TK2: variants seen among roughly 807,000 people sequenced by gnomAD.
TK2 encodes the protein thymidine kinase 2, mitochondrial.
TK2 carries 35 observed loss-of-function variants against 41.9 expected under a neutral mutation model. The ratio of observed to expected loss-of-function variants is 0.84; its 90% CI spans 0.64 to 1.11. TK2 has a LOEUF of 1.11. TK2 is among the 50% of genes least tolerant of loss of function. TK2 has a pLI of 0.00. For synonymous variants in TK2, 128 were observed against 129.1 expected (o/e 0.99, Z 0.06); for missense variants, 320 against 351.1 (o/e 0.91, Z 0.71).
chr16:66,534,659 T>C (rs1965221855), intron 4 of TK2, among the ~76,000 whole-genome samples: 1 of 152,236 alleles, frequency 6.6e-6, no homozygotes, highest in African/African-American at 2.4e-5. Flanking sequence ...TCCAGATATC[T>C]GCAGTGCTCA....
At chr16:66,523,664 A>G (rs1266343691) in intron 6 of TK2, among the ~76,000 whole-genome samples, 1 of 151,902 alleles carries the variant, frequency 6.6e-6, no homozygotes, top group Non-Finnish European at 1.5e-5. Flanking sequence ...CCCTGTCTCT[A>G]CTAAAAATAC....
At chr16:66,516,314 T>C (rs1295896838) in intron 8 of TK2, among the ~76,000 whole-genome samples, 2 of 152,160 alleles carry the variant, frequency 1.3e-5, no homozygotes, top group East Asian at 3.9e-4. Context: ...CCACTGTGTA[T>C]GTGGTTGTTT....
Position 66,510,013 on chromosome 16 carries a change from G to A in TK2, c.*1955C>T, listed in dbSNP as rs1964404214. ...GCTCTCTTAGACCCATACACTCCAC[G>A]TTAGGAAACACGGAGTTTGAAAAAT... is the stretch of plus-strand genomic sequence containing the variant. On this transcript the variant is annotated 3_prime_UTR_variant, in exon 10 of 10. Coordinates refer to ENST00000544898, the MANE Select transcript of TK2 (RefSeq NM_004614.5). The A allele has an allele frequency of 1.3e-5, 2 of 152,204 alleles. No individual in the cohort carries two copies. Among genetic ancestry groups the A allele is most frequent in the African/African-American group, 2.4e-5 (1 of 41,434 alleles). The allele number at this position is 152,204 out of a possible 1,614,324, so 9.4% of individuals were successfully genotyped here. A position where few individuals can be genotyped will look rare whatever the true frequency, so the allele number is the denominator to read the frequency against.
At chr16:66,542,003 A>C in intron 2 of TK2, 50 bp from the exon 3 acceptor site, 1 of 1,586,276 alleles carries the variant, frequency 6.3e-7, no homozygotes, top group Non-Finnish European at 8.7e-7. Flanking sequence ...CACCCAGGGG[A>C]ATGTCAGGGA....
chr16:66,525,300 C>A (rs985206211), intron 6 of TK2, among the ~76,000 whole-genome samples: 2 of 152,152 alleles, frequency 1.3e-5, no homozygotes, highest in African/African-American at 2.4e-5. Flanking sequence ...AAGCCACATG[C>A]AAAGCATGGT....
At chr16:66,535,742 C>G (rs367614867) in intron 4 of TK2, among the ~76,000 whole-genome samples, 7 of 152,200 alleles carry the variant, frequency 4.6e-5, no homozygotes, top group South Asian at 2.1e-4. Context: ...GGCTGACATG[C>G]ACTGAATATT....
intron 3 of TK2, among the ~76,000 whole-genome samples, chr16:66,537,430 G>A (rs1965320128): frequency 6.6e-6 from 1 of 152,244 alleles, no homozygotes; most frequent in East Asian, 1.9e-4. Flanking sequence ...ACAGGGCTAG[G>A]CCTTGGCAGG....
Position 66,541,893 on chromosome 16 carries a change from C to T in TK2, c.217G>A (p.Ala73Thr), listed in dbSNP as rs997780363. The change falls in exon 3 of 10, where the codon GCG becomes ACG. Residue 73 changes from alanine (A) to threonine (T), a missense_variant. Transcript: ENST00000544898. The part of the protein sequence containing the change: ...KTTCLEFFSN[A>T]TDVEVLTEPV... The stretch of plus-strand genomic sequence containing the variant: ...AGAGGCTGTACCTCGACGTCTGTCG[C>T]GTTGGAGAAGAATTCCAGGCATGTC... 8.7e-6 allele frequency: 14 copies of T among 1,614,126 alleles called. No individual in the cohort carries two copies. The highest frequency in any genetic ancestry group is 5.0e-5 in the Admixed American group (3 of 60,020).
intron 3 of TK2, among the ~76,000 whole-genome samples, chr16:66,539,090 G>A (rs1192034852): frequency 1.3e-5 from 2 of 152,290 alleles, no homozygotes; most frequent in African/African-American, 4.8e-5. Flanking sequence ...ATACTCACTG[G>A]ATGTTAACTA....
Position 66,531,431 on chromosome 16 carries a change from C to T in TK2, c.324G>A (p.Thr108=), listed in dbSNP as rs1965109385. 2.5e-6 allele frequency: 4 copies of T among 1,614,044 alleles called. No individual in the cohort carries two copies. Among genetic ancestry groups the T allele is most frequent in the East Asian group, 4.5e-5 (2 of 44,894 alleles). Residue 108 remains threonine, a synonymous_variant, in exon 5 of 10, where the codon ACG becomes ACA. Coordinates refer to ENST00000544898, the MANE Select transcript of TK2 (RefSeq NM_004614.5). ...MYHDASRWGL[T]LQTYVQLTML... ...TGGTGAGCTGCACATAAGTCTGTAG[C>T]GTAAGACCCCAGCGAGAGGCATCGT...
rs1964385032 is a variant in TK2, at chr16:66,509,429, C to CATA, written c.*2538_*2539insTAT. The CATA allele has an allele frequency of 6.6e-6, 1 of 152,130 alleles. No homozygotes were observed. The highest frequency in any genetic ancestry group is 6.5e-5 in the Admixed American group (1 of 15,268). The allele number at this position is 152,130 out of a possible 1,614,324, so 9.4% of individuals were successfully genotyped here. On this transcript the variant is annotated 3_prime_UTR_variant, in exon 10 of 10. Transcript: ENST00000544898. ...TTTCTATCTAGTTTCCAAAAAAAAC[C>CATA]AGGTACATAAGGTATTTTTAAATGG...
intron 6 of TK2, among the ~76,000 whole-genome samples, chr16:66,518,351 A>AC (rs1250375583): frequency 2.0e-5 from 3 of 151,882 alleles, no homozygotes; most frequent in African/African-American, 7.3e-5. Flanking sequence ...ACATGGAAAG[A>AC]CCCCCATCTC....
rs564586287 is a variant in TK2 at position 66,527,521 on chromosome 16, C to T, written c.449+1473G>A. ...ATAGCTAACAGGTATCAACGAGGAG[C>T]CTGCTCTGTGCTGGGTCCACCCTAG... On this transcript the variant is annotated intron_variant, in intron 6 of 9. Coordinates refer to ENST00000544898, the MANE Select transcript of TK2 (RefSeq NM_004614.5). Among the ~76,000 whole-genome samples the T allele has an allele frequency of 2.2e-4, 34 of 152,162 alleles. 1 individual carries two copies. The highest frequency in any genetic ancestry group is 5.0e-4 in the Non-Finnish European group (34 of 68,034).
rs191573607 is a variant in TK2 at position 66,549,982 on chromosome 16, G to A, written c.80C>T (p.Ser27Leu). ...FGPGSRGSPASGPGPRRVQRR... is the reference protein window; with the variant it reads ...FGPGSRGSPALGPGPRRVQRR... ...CTGCACCCTCCGCGGCCCGGGGCCT[G>A]AGGCCGGGCTCCCGCGACTTCCCGG... The change falls in exon 1 of 10, where the codon TCA becomes TTA. Residue 27 changes from serine to leucine, a missense_variant. Transcript: ENST00000544898. The A allele has an allele frequency of 2.8e-4, 423 of 1,505,492 alleles. 4 individuals are homozygous for A. The highest frequency in any genetic ancestry group is 2.8e-3 in the Middle Eastern group (12 of 4,354). 93.3% of individuals were successfully genotyped at this position (1,505,492 alleles called of 1,614,324 possible). A position where few individuals can be genotyped will look rare whatever the true frequency, so the allele number is the denominator to read the frequency against.
In TK2 at chr16:66,549,891, G is replaced by A. The variant is rs1965735299; in HGVS notation, c.124+47C>T. The A allele has an allele frequency of 3.8e-6, 5 of 1,317,286 alleles. No individual in the cohort carries two copies. The East Asian group carries it at 1.5e-4, about 40-fold the overall frequency. The allele number at this position is 1,317,286 out of a possible 1,614,324, so 81.6% of individuals were successfully genotyped here. A position where few individuals can be genotyped will look rare whatever the true frequency, so the allele number is the denominator to read the frequency against. ...CCGGAAGCCGAGGGGCCGGGAGTAG[G>A]TGGGCGCATAGGGGCTCCTGGGAGG... On this transcript the variant is annotated intron_variant, in intron 1 of 9. Transcript: ENST00000544898.
At chr16:66,524,450 C>T (rs903626174) in intron 6 of TK2, among the ~76,000 whole-genome samples, 3 of 152,150 alleles carry the variant, frequency 2.0e-5, no homozygotes, top group African/African-American at 7.2e-5. Flanking sequence ...ATCCTCCTGC[C>T]TCAGCCTCCT....
chr16:66,511,371 T>G lies in TK2; in HGVS notation c.*597A>C, dbSNP rs1436406495. The G allele has an allele frequency of 5.4e-6, 1 of 183,516 alleles. No homozygotes were observed. Among genetic ancestry groups the G allele is most frequent in the Non-Finnish European group, 1.2e-5 (1 of 86,364 alleles). The allele number at this position is 183,516 out of a possible 1,614,324, so 11.4% of individuals were successfully genotyped here. A position where few individuals can be genotyped will look rare whatever the true frequency, so the allele number is the denominator to read the frequency against. The stretch of plus-strand genomic sequence containing the variant: ...TCAATATTGGGAAAATGTTATCAGC[T>G]CCGCACACTGCCAGCTCTCCCCAAA... On this transcript the variant is annotated 3_prime_UTR_variant, in exon 10 of 10. Coordinates refer to ENST00000544898, the MANE Select transcript of TK2 (RefSeq NM_004614.5).
chr16:66,521,762 G>T (rs1025470385), intron 6 of TK2, among the ~76,000 whole-genome samples: 5 of 152,184 alleles, frequency 3.3e-5, no homozygotes, highest in African/African-American at 1.2e-4. Context: ...TCTACAGAAT[G>T]CACGGAGAGC....
chr16:66,543,133 C>T (rs1459529052), intron 2 of TK2, among the ~76,000 whole-genome samples: 1 of 152,244 alleles, frequency 6.6e-6, no homozygotes, highest in East Asian at 1.9e-4. Flanking sequence ...CTCAGCCTCC[C>T]AAAGTGCTGG....
Sources: allele counts gnomAD v4.1 joint callset (sites outside exome capture counted in the v4.1 genomes callset), GRCh38; gene constraint gnomAD v4.1.1; transcripts MANE v1.5; gene names NCBI Gene and HGNC (gene_info 2026-07-23, HGNC 2026-07-21).